The following DAPK3 variants were observed in gnomAD, a reference collection of about 807,000 sequenced individuals.
The protein encoded by DAPK3 is death associated protein kinase 3.
Under a neutral mutation model 30.6 loss-of-function variants are expected in DAPK3, and 24 were observed. That is an observed-to-expected ratio of 0.78 (90% CI 0.57 to 1.10). DAPK3 has a LOEUF of 1.10. Ranked by LOEUF, DAPK3 falls within the 50% of genes least tolerant of loss-of-function variation. The probability of loss-of-function intolerance (pLI) is 0.00; values close to 1 mark genes in which losing one functional copy is unlikely to be tolerated. For synonymous variants in DAPK3, 341 were observed against 284.0 expected (o/e 1.20, Z -2.02); for missense variants, 629 against 657.3 (o/e 0.96, Z 0.47).
intron 2 of DAPK3, among the ~76,000 whole-genome samples, chr19:3,965,667 T>TTTG (rs2039571066): frequency 8.2e-6 from 1 of 122,126 alleles, no homozygotes; most frequent in Non-Finnish European, 1.8e-5. Context: ...TTTTTGTTTT[T>TTTG]GTTTTGTTTT....
Position 3,969,817 on chromosome 19 carries a change from C to T in DAPK3, c.-82G>A. On this transcript the variant is annotated 5_prime_UTR_variant, in exon 2 of 9. Transcript: ENST00000545797. ...CCTGGAGATAGGACCTCAGGAGTCC[C>T]CTAATGGCAACCCTGGAGAAGACAG... 1 of 920,792 alleles carries T rather than the reference C, an allele frequency of 1.1e-6. No homozygotes were observed. The highest frequency in any genetic ancestry group is 1.8e-6 in the Non-Finnish European group (1 of 563,326). The allele number at this position is 920,792 out of a possible 1,614,324, so 57.0% of individuals were successfully genotyped here. A position where few individuals can be genotyped will look rare whatever the true frequency, so the allele number is the denominator to read the frequency against.
chr19:3,967,345 G>C (rs537394170), intron 2 of DAPK3, among the ~76,000 whole-genome samples: 2 of 152,092 alleles, frequency 1.3e-5, no homozygotes, highest in Non-Finnish European at 1.5e-5. Context: ...CCAGCTACTC[G>C]GGAGGCTGAG....
In DAPK3 at chr19:3,968,047, T is replaced by TG. The variant is rs78511661; in HGVS notation, c.62+1626dup. 7.7e-4 allele frequency among the ~76,000 whole-genome samples: 118 copies of TG among 152,334 alleles called. 1 individual carries two copies. In the East Asian group the frequency reaches 0.021, roughly 27 times the overall value. ...CAACTTATGTTGCCCAGGCTAGTCTTGAAGTCCTGGGCTCAAGCGATCCTC... is the reference window on the plus strand; with the variant it reads ...CAACTTATGTTGCCCAGGCTAGTCTTGGAAGTCCTGGGCTCAAGCGATCCTC... On this transcript the variant is annotated intron_variant, in intron 2 of 8. Transcript: ENST00000545797.
At chr19:3,970,415 A>C (rs1257738131) in intron 1 of DAPK3, among the ~76,000 whole-genome samples, 1 of 152,056 alleles carries the variant, frequency 6.6e-6, no homozygotes, top group Non-Finnish European at 1.5e-5. Flanking sequence ...AAAATTCCCA[A>C]GTTACTACCT....
In DAPK3 at chr19:3,959,598, G is replaced by T; in HGVS notation, c.868C>A (p.Arg290Ser). The T allele has an allele frequency of 1.3e-6, 2 of 1,588,056 alleles. No individual in the cohort carries two copies. The highest frequency in any genetic ancestry group is 1.1e-5 in the South Asian group (1 of 88,846). Residue 290 changes from arginine (R) to serine (S), a missense_variant, in exon 9 of 9, where the codon CGC becomes AGC. Physicochemically the swap from Arg to Ser is moderately radical, Grantham distance 110 (BLOSUM62 -1). Transcript: ENST00000545797. The part of the protein sequence containing the change: ...RRNVRGEDSG[R>S]KPERRRLKTT... ...TTCAGGCGCCGCCGCTCGGGCTTGC[G>T]GCCGCTGTCCTCACCACGCACGTTC... is the stretch of plus-strand genomic sequence containing the variant.
At chr19:3,963,253 A>G (rs2039537713) in intron 6 of DAPK3, among the ~76,000 whole-genome samples, 1 of 152,164 alleles carries the variant, frequency 6.6e-6, no homozygotes, top group Non-Finnish European at 1.5e-5. Context: ...CAAGAGAGTA[A>G]GACCCCGTCT....
intron 3 of DAPK3, 39 bp from the exon 4 acceptor site, chr19:3,964,412 T>TGCCCC: frequency 9.7e-6 from 15 of 1,539,902 alleles, no homozygotes; most frequent in East Asian, 2.3e-5. Context: ...AGCACGGGCC[T>TGCCCC]CCCCCACCCT....
At chr19:3,959,913 C>G in intron 8 of DAPK3, 146 bp downstream of exon 8, 1 of 693,232 alleles carries the variant, frequency 1.4e-6, no homozygotes, top group Non-Finnish European at 2.6e-6. Flanking sequence ...ACCCAACCCC[C>G]GCCACACAGG....
chr19:3,962,434 T>C (rs971561360), intron 6 of DAPK3, among the ~76,000 whole-genome samples: 6 of 152,186 alleles, frequency 3.9e-5, no homozygotes, highest in African/African-American at 1.4e-4. Flanking sequence ...CTATGCCCAT[T>C]CAATATGGCT....
At chr19:3,967,617 C>T (rs982835654) in intron 2 of DAPK3, among the ~76,000 whole-genome samples, 1 of 152,036 alleles carries the variant, frequency 6.6e-6, no homozygotes, top group South Asian at 2.1e-4. Context: ...TAGCTGAGCA[C>T]GTTGGTGGGC....
chr19:3,960,060 T>C lies in DAPK3; in HGVS notation c.827A>G (p.Lys276Arg). The change falls in exon 8 of 9, where the codon AAG (lysine) becomes AGG (arginine). Residue 276 changes from lysine to arginine, a missense_variant and splice_region_variant. By Grantham distance (26) the Lys-to-Arg change is conservative. Coordinates refer to ENST00000545797, the MANE Select transcript of DAPK3 (RefSeq NM_001348.3). Reference sequence around the variant, plus strand: ...GAGCTCCCCCACCTCCCCACTTACCTTAATCCAGGAATGTTCCAGGCTCTG... The same window carrying C: ...GAGCTCCCCCACCTCCCCACTTACCCTAATCCAGGAATGTTCCAGGCTCTG... Reference protein sequence around the residue: ...IAQSLEHSWIKAIRRRNVRGE... With the variant: ...IAQSLEHSWIRAIRRRNVRGE... The C allele has an allele frequency of 6.5e-7, 1 of 1,549,126 alleles. No individual in the cohort carries two copies. The highest frequency in any genetic ancestry group is 8.9e-7 in the Non-Finnish European group (1 of 1,121,142).
chr19:3,959,659 G>A (rs778063678), intron 8 of DAPK3, 22 bp from the exon 9 acceptor site: 1 of 1,551,262 alleles, frequency 6.4e-7, no homozygotes, highest in Admixed American at 1.8e-5. Flanking sequence ...GGAAGCCTGA[G>A]CGGGGTCCCC....
chr19:3,969,850 CAG>C (rs1486780069), intron 1 of DAPK3, 21 bp from the exon 2 acceptor site: 1 of 716,898 alleles, frequency 1.4e-6, no homozygotes, highest in Admixed American at 2.1e-5. Flanking sequence ...CAGGGAAAGA[CAG>C]AAGTGAGGAA....
In DAPK3 at chr19:3,964,358, G is replaced by A. The variant is rs1244907362; in HGVS notation, c.439C>T (p.Leu147=). 6 of 1,612,878 alleles carry A rather than the reference G, an allele frequency of 3.7e-6. No homozygotes were observed. The highest frequency in any genetic ancestry group is 1.7e-4 in the Middle Eastern group (1 of 6,048). The change falls in exon 4 of 9, where the codon CTG becomes TTG. Residue 147 remains leucine, a synonymous_variant. Coordinates refer to ENST00000545797, the MANE Select transcript of DAPK3 (RefSeq NM_001348.3). ...HFDLKPENIM[L]LDKNVPNPRI... ...GGGTTGGGCACGTTCTTGTCCAGCAGCATGATGTTTTCCGGCTGGGGTGGG... is the reference window on the plus strand; with the variant it reads ...GGGTTGGGCACGTTCTTGTCCAGCAACATGATGTTTTCCGGCTGGGGTGGG...
intron 2 of DAPK3, 47 bp downstream of exon 2, chr19:3,969,627 G>GC: frequency 8.1e-7 from 1 of 1,229,820 alleles, no homozygotes; most frequent in South Asian, 1.2e-5. Context: ...ACCCCACAGC[G>GC]CCTCTCTCCT....
chr19:3,969,444 G>A (rs1465187440), intron 2 of DAPK3, among the ~76,000 whole-genome samples: 1 of 152,120 alleles, frequency 6.6e-6, no homozygotes, highest in African/African-American at 2.4e-5. Context: ...CTGCTGTAAC[G>A]GCTCAATTAC....
At chr19:3,966,940 C>T (rs757051610) in intron 2 of DAPK3, among the ~76,000 whole-genome samples, 11 of 152,138 alleles carry the variant, frequency 7.2e-5, no homozygotes, top group Non-Finnish European at 1.6e-4. Flanking sequence ...TCTCCCCAGC[C>T]GGGAAAGAAA....
intron 2 of DAPK3, among the ~76,000 whole-genome samples, chr19:3,965,764 G>A (rs780480180): frequency 2.0e-5 from 3 of 151,782 alleles, no homozygotes; most frequent in Non-Finnish European, 2.9e-5. Context: ...TCCTGGGCTC[G>A]GGCAATCCTC....
In DAPK3 at chr19:3,960,515, G is replaced by A. The variant is rs759865890; in HGVS notation, c.783-411C>T. On this transcript the variant is annotated intron_variant, in intron 7 of 8. Transcript: ENST00000545797. Reference sequence around the variant, plus strand: ...CAGCCAGACACGGTGTCTCACGCCCGCAATCCCAGCACTTTGGGAGACCAA... The same window carrying A: ...CAGCCAGACACGGTGTCTCACGCCCACAATCCCAGCACTTTGGGAGACCAA... 1.1e-3 allele frequency among the ~76,000 whole-genome samples: 167 copies of A among 152,198 alleles called. 2 individuals carry two copies. Among genetic ancestry groups the A allele is most frequent in the Non-Finnish European group, 2.6e-4 (18 of 68,010 alleles).
Sources: gnomAD v4.1 joint callset for allele counts (sites outside exome capture counted in the v4.1 genomes callset) on GRCh38, gnomAD v4.1.1 for gene constraint, MANE v1.5 for transcripts, NCBI Gene and HGNC (gene_info 2026-07-23, HGNC 2026-07-21) for gene names.